The following SMAD2 variants were observed in gnomAD, a reference collection of about 807,000 sequenced individuals.
SMAD2 encodes MAD homolog 2.
SMAD2 carries 8 observed loss-of-function variants against 64.4 expected under a neutral mutation model. The observed-to-expected ratio is 0.12, with a 90% CI of 0.07 to 0.22. The LOEUF (loss-of-function observed/expected upper bound fraction) is 0.22. SMAD2 is among the 10% of genes least tolerant of loss of function. The pLI is 1.00. For missense variants in SMAD2, 289 were observed against 561.2 expected (o/e 0.51, Z 4.90); for synonymous variants, 203 against 195.8 (o/e 1.04, Z -0.31).
chr18:47,916,073 G>A (rs1307777628), intron 1 of SMAD2, among the ~76,000 whole-genome samples: 1 of 152,074 alleles, frequency 6.6e-6, no homozygotes, highest in Non-Finnish European at 1.5e-5. Context: ...TTTCATTTAC[G>A]AGTTTTCTAA....
chr18:47,853,530 GAA>G (rs1196341578), intron 6 of SMAD2: 128 of 166,092 alleles, frequency 7.7e-4, no homozygotes, highest in Middle Eastern at 2.2e-3. Context: ...TCTCGAGAGG[GAA>G]AAAAAAAAAA....
At position 47,829,202 on chromosome 18, in the gene SMAD2, A is replaced by C. The variant is rs560831132; in HGVS notation, c.*12625T>G. ...ATTTCTTCACTACAAGGAATTTCAA[A>C]CTTATCTAAAAGGAAATAGAATACA... On this transcript the variant is annotated 3_prime_UTR_variant, in exon 11 of 11. Transcript: ENST00000262160. The C allele has an allele frequency of 1.6e-3, 238 of 152,244 alleles. No homozygotes were observed. Among genetic ancestry groups the C allele is most frequent in the African/African-American group, 5.6e-3 (234 of 41,546 alleles). 9.4% of individuals were successfully genotyped at this position (152,244 alleles called of 1,614,324 possible).
chr18:47,910,137 C>T (rs1177366765), intron 1 of SMAD2, among the ~76,000 whole-genome samples: 1 of 149,892 alleles, frequency 6.7e-6, no homozygotes, highest in African/African-American at 2.5e-5. Context: ...TACACCAGAG[C>T]CTATCGAGGA....
At chr18:47,850,216 A>ATTGTATATATATTATATATAT (rs1216975479) in intron 7 of SMAD2, among the ~76,000 whole-genome samples, 1 of 69,664 alleles carries the variant, frequency 1.4e-5, no homozygotes, top group African/African-American at 5.7e-5. Context: ...ATTATTATAT[A>ATTGTATATATATTATATATAT]TATGTATAAT....
chr18:47,919,774 A>G (rs2034490719), intron 1 of SMAD2, among the ~76,000 whole-genome samples: 1 of 152,152 alleles, frequency 6.6e-6, no homozygotes, highest in Non-Finnish European at 1.5e-5. Flanking sequence ...GGGGCCATAA[A>G]GAACAGCTTT....
chr18:47,927,356 T>G (rs2034806822), intron 1 of SMAD2, among the ~76,000 whole-genome samples: 1 of 152,190 alleles, frequency 6.6e-6, no homozygotes, highest in African/African-American at 2.4e-5. Flanking sequence ...ATCTGCTACA[T>G]GTTACAGGAA....
intron 6 of SMAD2, among the ~76,000 whole-genome samples, chr18:47,864,465 A>AC (rs1449686746): frequency 1.3e-5 from 2 of 152,210 alleles, no homozygotes; most frequent in Non-Finnish European, 2.9e-5. Context: ...AAAATGAATC[A>AC]AACTGGACAA....
chr18:47,906,564 C>T (rs1031153041), intron 1 of SMAD2, among the ~76,000 whole-genome samples: 1 of 152,148 alleles, frequency 6.6e-6, no homozygotes, highest in Non-Finnish European at 1.5e-5. Flanking sequence ...TCTGACACTA[C>T]TAAATGTTGA....
At chr18:47,882,530 C>A (rs987216848) in intron 2 of SMAD2, 1 of 152,170 alleles carries the variant, frequency 6.6e-6, no homozygotes, top group African/African-American at 2.4e-5. Context: ...TATAAACTAA[C>A]CTTGTTGGAA....
chr18:47,930,033 C>T (rs564095656), intron 1 of SMAD2, among the ~76,000 whole-genome samples: 21 of 152,260 alleles, frequency 1.4e-4, no homozygotes, highest in African/African-American at 5.1e-4. Context: ...CCTAACAAGG[C>T]TTCCCCACAA....
rs974595193 is a variant in SMAD2 at position 47,839,972 on chromosome 18, G to A, written c.*1855C>T. On this transcript the variant is annotated 3_prime_UTR_variant, in exon 11 of 11. Coordinates refer to ENST00000262160, the MANE Select transcript of SMAD2 (RefSeq NM_005901.6). The stretch of plus-strand genomic sequence containing the variant: ...CTTCATAGACAAGTAAGATAATTAA[G>A]GGTTAGTGTAACTGCTGTCTCAGCA... The A allele has an allele frequency of 1.7e-5, 4 of 232,936 alleles. No homozygotes were observed. Among genetic ancestry groups the A allele is most frequent in the African/African-American group, 8.8e-5 (4 of 45,318 alleles). 14.4% of individuals were successfully genotyped at this position (232,936 alleles called of 1,614,324 possible).
In SMAD2 at chr18:47,845,748, T is replaced by TA; in HGVS notation, c.1049dup (p.Ser351LysfsTer2). 1 of 1,613,780 alleles carries TA rather than the reference T, an allele frequency of 6.2e-7. No homozygotes were observed. The highest frequency in any genetic ancestry group is 8.5e-7 in the Non-Finnish European group (1 of 1,179,734). On this transcript the variant is annotated frameshift_variant, in exon 9 of 11. Transcript: ENST00000262160. LOFTEE classifies it high-confidence loss of function. ...TCTGCACAAAGATTGCACTATCACT[T>TA]AGGCACTCAGCAAAAACTTCCCCAC...
At chr18:47,898,487 A>G (rs778922682) in intron 1 of SMAD2, among the ~76,000 whole-genome samples, 2 of 152,220 alleles carry the variant, frequency 1.3e-5, no homozygotes, top group Non-Finnish European at 2.9e-5. Flanking sequence ...CTTTGCACAT[A>G]TTCTTAACGT....
intron 6 of SMAD2, among the ~76,000 whole-genome samples, chr18:47,862,727 T>C (rs2031276042): frequency 6.6e-6 from 1 of 152,212 alleles, no homozygotes; most frequent in Non-Finnish European, 1.5e-5. Context: ...TCTCTTTGTG[T>C]ATCTTGGACC....
intron 5 of SMAD2, among the ~76,000 whole-genome samples, chr18:47,867,985 C>G (rs879419886): frequency 6.6e-6 from 1 of 152,130 alleles, no homozygotes; most frequent in Non-Finnish European, 1.5e-5. Context: ...GGGTACTTTT[C>G]TCCTACACCA....
rs985601445 is a variant in SMAD2, at chr18:47,825,958, G to A, written c.*15869C>T. The A allele has an allele frequency of 1.3e-5, 2 of 152,194 alleles. No individual in the cohort carries two copies. The highest frequency in any genetic ancestry group is 4.8e-5 in the African/African-American group (2 of 41,440). 9.4% of individuals were successfully genotyped at this position (152,194 alleles called of 1,614,324 possible). On this transcript the variant is annotated 3_prime_UTR_variant, in exon 11 of 11. Transcript: ENST00000262160. Reference sequence around the variant, plus strand: ...GAAAGGTTTTGGAAATGGCATTAATGTAAATGTTCACATTAAGAGAAAACG... The same window carrying A: ...GAAAGGTTTTGGAAATGGCATTAATATAAATGTTCACATTAAGAGAAAACG...
rs1470003314 is a variant in SMAD2, at chr18:47,822,471, C to T, written c.*19356G>A. The T allele has an allele frequency of 6.6e-6, 1 of 152,182 alleles. No individual in the cohort carries two copies. Among genetic ancestry groups the T allele is most frequent in the South Asian group, 2.1e-4 (1 of 4,836 alleles). 9.4% of individuals were successfully genotyped at this position (152,182 alleles called of 1,614,324 possible). A position where few individuals can be genotyped will look rare whatever the true frequency, so the allele number is the denominator to read the frequency against. On this transcript the variant is annotated 3_prime_UTR_variant, in exon 11 of 11. Coordinates refer to ENST00000262160, the MANE Select transcript of SMAD2 (RefSeq NM_005901.6). ...AGATCAACCACAACAAAAAAAGTTACATGAGACTAAGTAACTGAAGATGTG... is the reference window on the plus strand; with the variant it reads ...AGATCAACCACAACAAAAAAAGTTATATGAGACTAAGTAACTGAAGATGTG...
At chr18:47,892,180 A>G (rs776035589) in intron 2 of SMAD2, among the ~76,000 whole-genome samples, 1 of 150,652 alleles carries the variant, frequency 6.6e-6, no homozygotes, top group Non-Finnish European at 1.5e-5. Flanking sequence ...CTTGAATGAC[A>G]ATAAACATTA....
intron 1 of SMAD2, among the ~76,000 whole-genome samples, chr18:47,903,110 T>TG (rs2033752902): frequency 1.3e-5 from 2 of 151,460 alleles, no homozygotes; most frequent in South Asian, 4.2e-4. Context: ...CAATGGGGGA[T>TG]GGGGGGAGGG....
Sources: gnomAD v4.1 joint callset for allele counts (sites outside exome capture counted in the v4.1 genomes callset) on GRCh38, gnomAD v4.1.1 for gene constraint, MANE v1.5 for transcripts, NCBI Gene and HGNC (gene_info 2026-07-23, HGNC 2026-07-21) for gene names.